Variants in HSD17B12 observed in about 807,000 individuals in gnomAD.
HSD17B12 encodes the protein hydroxysteroid 17-beta dehydrogenase 12.
HSD17B12 carries 32 observed loss-of-function variants against 39.3 expected under a neutral mutation model. That is an observed-to-expected ratio of 0.81 (90% CI 0.61 to 1.09). The LOEUF (loss-of-function observed/expected upper bound fraction) is 1.09, where lower values mean the gene tolerates loss of function less well. Ranked by LOEUF, HSD17B12 falls within the 50% of genes least tolerant of loss-of-function variation. The pLI is 0.00. For missense variants in HSD17B12, 342 were observed against 382.9 expected, an observed-to-expected ratio of 0.89 and a Z score of 0.89; for synonymous variants, 150 against 146.7, an observed-to-expected ratio of 1.02 and a Z score of -0.16.
At chr11:43,652,047 A>G in the HSD17B12 span, among the ~76,000 whole-genome samples, 10 of 152,350 alleles carry the variant, frequency 6.6e-5, no homozygotes, top group East Asian at 1.7e-3. Flanking sequence ...AATGTTGTTA[A>G]AATTTCAACT....
intron 3 of HSD17B12, among the ~76,000 whole-genome samples, chr11:43,772,269 A>G (rs1950657523): frequency 1.3e-5 from 2 of 152,204 alleles, no homozygotes; most frequent in African/African-American, 4.8e-5. Context: ...AAGCCATCAT[A>G]AAATCCCCCT....
intron 1 of HSD17B12, chr11:43,734,401 C>A: frequency 6.3e-6 from 5 of 798,694 alleles, no homozygotes; most frequent in Non-Finnish European, 1.1e-5. Flanking sequence ...CTGAGGGTGA[C>A]TCTAAGGCAG....
chr11:43,606,987 CA>C, the HSD17B12 span, among the ~76,000 whole-genome samples: 22 of 152,078 alleles, frequency 1.4e-4, no homozygotes, highest in African/African-American at 4.8e-4. Context: ...TTTGTATCCG[CA>C]AGATGGGAAT....
the HSD17B12 span, among the ~76,000 whole-genome samples, chr11:43,637,284 A>C: frequency 6.8e-6 from 1 of 146,330 alleles, no homozygotes; most frequent in African/African-American, 2.5e-5. Context: ...GCAGTGGCAC[A>C]ATCTTGGCTC....
At chr11:43,608,342 A>T in the HSD17B12 span, among the ~76,000 whole-genome samples, 1 of 148,564 alleles carries the variant, frequency 6.7e-6, no homozygotes, top group Non-Finnish European at 1.5e-5. Context: ...ATCCTGGGTG[A>T]CCAGAGTGAG....
At chr11:43,848,595 GATA>G (rs914775262) in intron 9 of HSD17B12, 19 of 152,112 alleles carry the variant, frequency 1.2e-4, no homozygotes, top group Non-Finnish European at 2.9e-5. Context: ...CTCTTTAACT[GATA>G]ATATTTTATT....
intron 3 of HSD17B12, among the ~76,000 whole-genome samples, chr11:43,793,761 C>T (rs912080480): frequency 1.3e-5 from 2 of 152,190 alleles, no homozygotes; most frequent in East Asian, 3.8e-4. Context: ...ATTCTGAATA[C>T]TCTGTGTCGT....
chr11:43,829,173 C>T (rs1338281296), intron 6 of HSD17B12, among the ~76,000 whole-genome samples: 5 of 152,168 alleles, frequency 3.3e-5, no homozygotes, highest in Admixed American at 3.3e-4. Context: ...AAGAAATTAA[C>T]TTTTGCAGGG....
the HSD17B12 span, among the ~76,000 whole-genome samples, chr11:43,612,481 C>G: frequency 6.6e-6 from 1 of 152,162 alleles, no homozygotes; most frequent in Non-Finnish European, 1.5e-5. Context: ...TATAGTCTGT[C>G]AGAGTGGGGC....
chr11:43,647,585 A>G, the HSD17B12 span, among the ~76,000 whole-genome samples: 2 of 151,690 alleles, frequency 1.3e-5, no homozygotes, highest in Non-Finnish European at 2.9e-5. Flanking sequence ...AGCAGTTCTT[A>G]TTAATGCATT....
intron 1 of HSD17B12, among the ~76,000 whole-genome samples, chr11:43,732,553 T>C (rs1950278938): frequency 6.6e-6 from 1 of 151,956 alleles, no homozygotes; most frequent in Non-Finnish European, 1.5e-5. Context: ...GCCTCTTAAC[T>C]CTTAGGCCCA....
At chr11:43,566,940 C>G in the HSD17B12 span, among the ~76,000 whole-genome samples, 3 of 152,218 alleles carry the variant, frequency 2.0e-5, no homozygotes, top group African/African-American at 7.2e-5. Flanking sequence ...TGGTTCAGAG[C>G]TTCAGTAGAC....
At chr11:43,654,972 T>C in the HSD17B12 span, among the ~76,000 whole-genome samples, 4 of 152,330 alleles carry the variant, frequency 2.6e-5, no homozygotes. Context: ...GGGGATGGCA[T>C]TGAATCTATA....
At chr11:43,559,423 C>T in the HSD17B12 span, among the ~76,000 whole-genome samples, 14 of 152,202 alleles carry the variant, frequency 9.2e-5, no homozygotes, top group Admixed American at 8.5e-4. Context: ...GAAAGACCAC[C>T]TCTCTCAGGT....
At position 43,702,720 on chromosome 11, in the gene HSD17B12, G is replaced by A. The variant is rs371130402; in HGVS notation, c.160+21733G>A. On this transcript the variant is annotated intron_variant, in intron 1 of 10. Coordinates refer to ENST00000278353, the MANE Select transcript of HSD17B12 (RefSeq NM_016142.3). ...TCTAATGCAAGCTTGTCCAATCTGC[G>A]GCCAATGGGCCACATGTGGCCCAGG... Among the ~76,000 whole-genome samples the A allele has an allele frequency of 1.4e-4, 22 of 152,178 alleles. No homozygotes were observed. In the East Asian group the frequency reaches 2.1e-3, roughly 15 times the overall value.
At chr11:43,809,122 G>A (rs1374746711) in intron 4 of HSD17B12, among the ~76,000 whole-genome samples, 1 of 152,140 alleles carries the variant, frequency 6.6e-6, no homozygotes, top group African/African-American at 2.4e-5. Flanking sequence ...TAAAAGTAGG[G>A]TACTTTGGGC....
At chr11:43,854,568 C>A in intron 9 of HSD17B12, 147 bp from the exon 10 acceptor site, 1 of 825,118 alleles carries the variant, frequency 1.2e-6, no homozygotes, top group Non-Finnish European at 1.9e-6. Context: ...ATCAAGTTGG[C>A]TTTAGATAGC....
the HSD17B12 span, among the ~76,000 whole-genome samples, chr11:43,599,067 C>T: frequency 2.0e-5 from 3 of 152,128 alleles, no homozygotes; most frequent in Admixed American, 6.5e-5. Context: ...AAGACATATA[C>T]TCTCCTTCCG....
the HSD17B12 span, chr11:43,579,111 G>A: frequency 1.4e-5 from 2 of 141,124 alleles, no homozygotes; most frequent in Non-Finnish European, 3.1e-5. Flanking sequence ...GGACGGGGGT[G>A]GGGGGGAAGA....
Sources: gnomAD v4.1 joint callset for allele counts (sites outside exome capture counted in the v4.1 genomes callset) on GRCh38, gnomAD v4.1.1 for gene constraint, MANE v1.5 for transcripts, NCBI Gene and HGNC (gene_info 2026-07-23, HGNC 2026-07-21) for gene names.